DIS3L2: variants seen among roughly 807,000 people sequenced by gnomAD.
DIS3L2 encodes DIS3 like 3'-5' exoribonuclease 2, also known as DIS3-like exonuclease 2.
DIS3L2 carries 34 observed loss-of-function variants against 97.5 expected under a neutral mutation model. The observed-to-expected ratio is 0.35, with a 90% CI of 0.27 to 0.46. DIS3L2 has a LOEUF of 0.46. Among genes scored for constraint, DIS3L2 ranks in the 20% least tolerant of loss-of-function variants. The pLI is 1.00. For synonymous variants in DIS3L2, 435 were observed against 445.2 expected (o/e 0.98, Z 0.29); for missense variants, 1,038 against 1,146.0 (o/e 0.91, Z 1.36).
chr2:232,238,481 G>C, intron 10 of DIS3L2, 52 bp from the exon 11 acceptor site: 1 of 1,482,638 alleles, frequency 6.7e-7, no homozygotes, highest in Non-Finnish European at 9.4e-7. Context: ...TCCTGGGAGA[G>C]AATGCTGTGG....
chr2:232,213,624 C>T (rs1574949655), intron 10 of DIS3L2, among the ~76,000 whole-genome samples: 1 of 138,148 alleles, frequency 7.2e-6, no homozygotes, highest in Non-Finnish European at 1.5e-5. Flanking sequence ...CTTCAAAAAA[C>T]AAATAGTGTT....
chr2:232,329,785 T>TGCCGGGGCGCCC, intron 14 of DIS3L2, 28 bp from the exon 15 acceptor site: 2 of 967,144 alleles, frequency 2.1e-6, no homozygotes, highest in Non-Finnish European at 2.9e-6. Flanking sequence ...ACCCCAGCGG[T>TGCCGGGGCGCCC]CCCTCCCATC....
chr2:232,000,880 G>T (rs11680422), intron 1 of DIS3L2, among the ~76,000 whole-genome samples: 1,716 of 146,788 alleles, frequency 0.012, 19 homozygotes, highest in Non-Finnish European at 0.017. Context: ...TTTTTTTTTT[G>T]TTTGTTTGTT....
chr2:232,081,721 C>T (rs1342164558), intron 5 of DIS3L2, among the ~76,000 whole-genome samples: 1 of 152,118 alleles, frequency 6.6e-6, no homozygotes, highest in Non-Finnish European at 1.5e-5. Flanking sequence ...CAGGAGGTTC[C>T]AGGGTTGTCT....
chr2:232,303,420 A>T (rs927301012), intron 14 of DIS3L2, among the ~76,000 whole-genome samples: 1 of 152,248 alleles, frequency 6.6e-6, no homozygotes. Context: ...GCTAAGTAAC[A>T]TGAAGACAAT....
chr2:232,036,819 C>T (rs1027272802), intron 5 of DIS3L2, among the ~76,000 whole-genome samples: 1 of 152,172 alleles, frequency 6.6e-6, no homozygotes, highest in African/African-American at 2.4e-5. Context: ...AGGTCCACTC[C>T]AGACCCTGTT....
chr2:232,108,293 T>C (rs928565125), intron 6 of DIS3L2, among the ~76,000 whole-genome samples: 2 of 152,194 alleles, frequency 1.3e-5, no homozygotes, highest in Non-Finnish European at 2.9e-5. Flanking sequence ...TCTCAATAGA[T>C]GCAGAAAAGA....
rs1251648290 is a variant in DIS3L2 at position 232,117,126 on chromosome 2, C to G, written c.602-13493C>G. Among the ~76,000 whole-genome samples, 3 of 152,154 alleles carry G rather than the reference C, an allele frequency of 2.0e-5. No individual in the cohort carries two copies. In the East Asian group the frequency reaches 5.8e-4, roughly 29 times the overall value. On this transcript the variant is annotated intron_variant, in intron 6 of 20. Transcript: ENST00000325385. ...CTGCACCCATGACTCTGCAGTTCAC[C>G]CAGGCCTCATTGCACCTTTTCTTCC...
At chr2:231,967,288 A>C (rs1692750090) in intron 1 of DIS3L2, among the ~76,000 whole-genome samples, 1 of 152,218 alleles carries the variant, frequency 6.6e-6, no homozygotes, top group Non-Finnish European at 1.5e-5. Context: ...ATTCTGCATT[A>C]TAAGTTCCTT....
chr2:232,314,471 C>T (rs1695216473), intron 14 of DIS3L2, among the ~76,000 whole-genome samples: 1 of 151,988 alleles, frequency 6.6e-6, no homozygotes. Flanking sequence ...AAGGGAGCTC[C>T]CTAGCCCGAG....
At chr2:232,018,160 TAAGGAGAGGACAGCG>T (rs1460864180) in intron 3 of DIS3L2, among the ~76,000 whole-genome samples, 2 of 152,190 alleles carry the variant, frequency 1.3e-5, no homozygotes, top group Admixed American at 6.5e-5. Context: ...TGTCTAGAGA[TAAGGAGAGGACAGCG>T]AAGGAGAGGA....
At chr2:232,100,523 C>T (rs1697165613) in intron 6 of DIS3L2, among the ~76,000 whole-genome samples, 1 of 151,898 alleles carries the variant, frequency 6.6e-6, no homozygotes, top group Non-Finnish European at 1.5e-5. Flanking sequence ...TACATATGTA[C>T]CTCTAAATAC....
intron 6 of DIS3L2, among the ~76,000 whole-genome samples, chr2:232,104,081 A>G (rs1163377289): frequency 1.3e-5 from 2 of 151,694 alleles, no homozygotes; most frequent in Non-Finnish European, 2.9e-5. Context: ...TTTGTTTATT[A>G]TAAATAATTT....
At chr2:232,098,151 A>G (rs985796174) in intron 6 of DIS3L2, among the ~76,000 whole-genome samples, 55 of 152,190 alleles carry the variant, frequency 3.6e-4, no homozygotes, top group African/African-American at 1.1e-3. Flanking sequence ...CCCAAATCCT[A>G]TGCTAGACCA....
At chr2:232,289,630 C>T (rs539459789) in intron 13 of DIS3L2, among the ~76,000 whole-genome samples, 1 of 152,312 alleles carries the variant, frequency 6.6e-6, no homozygotes, top group East Asian at 1.9e-4. Flanking sequence ...AATAGAGGAA[C>T]ATACTAACCC....
In DIS3L2 at chr2:232,002,223, T is replaced by A. The variant is rs572724302; in HGVS notation, c.-93-12612T>A. Reference sequence around the variant, plus strand: ...TTTCTGGGTTTTCTATTCTGTTCCATTGCTCTGTGTGTCTGCTTTGATGCC... The same window carrying A: ...TTTCTGGGTTTTCTATTCTGTTCCAATGCTCTGTGTGTCTGCTTTGATGCC... On this transcript the variant is annotated intron_variant, in intron 1 of 20. Coordinates refer to ENST00000325385, the MANE Select transcript of DIS3L2 (RefSeq NM_152383.5). Among the ~76,000 whole-genome samples, 8 of 152,334 alleles carry A rather than the reference T, an allele frequency of 5.3e-5. No homozygotes were observed. The East Asian group carries it at 1.5e-3, about 29-fold the overall frequency.
chr2:231,969,026 C>T (rs1251504976), intron 1 of DIS3L2, among the ~76,000 whole-genome samples: 6 of 152,206 alleles, frequency 3.9e-5, no homozygotes, highest in East Asian at 1.9e-4. Context: ...ACTTGCCTGC[C>T]GCCGCCGTGT....
At chr2:232,314,442 C>T (rs1695215768) in intron 14 of DIS3L2, among the ~76,000 whole-genome samples, 1 of 151,506 alleles carries the variant, frequency 6.6e-6, no homozygotes, top group Non-Finnish European at 1.5e-5. Flanking sequence ...GCCCCGGAGG[C>T]CTCAGGGCCC....
At chr2:232,096,447 A>T (rs1574871959) in intron 6 of DIS3L2, among the ~76,000 whole-genome samples, 2 of 151,980 alleles carry the variant, frequency 1.3e-5, no homozygotes, top group South Asian at 4.1e-4. Context: ...TTGTACTTGG[A>T]TATTAATGTC....
Sources: gnomAD v4.1 joint callset for allele counts (sites outside exome capture counted in the v4.1 genomes callset) on GRCh38, gnomAD v4.1.1 for gene constraint, MANE v1.5 for transcripts, NCBI Gene and HGNC (gene_info 2026-07-23, HGNC 2026-07-21) for gene names.